Variants in CATSPERT observed in about 807,000 individuals in gnomAD.
The protein encoded by CATSPERT is cation channel sperm-associated targeting subunit tau.
the CATSPERT span, among the ~76,000 whole-genome samples, chr2:201,531,256 G>A: frequency 1.3e-5 from 2 of 151,952 alleles, no homozygotes; most frequent in Non-Finnish European, 2.9e-5. Flanking sequence ...ACCGCGCCTG[G>A]CCGACCCTGC....
chr2:201,511,662 T>C, the CATSPERT span: 2 of 152,034 alleles, frequency 1.3e-5, no homozygotes, highest in South Asian at 4.2e-4. Context: ...AATTAAGCTA[T>C]ATCTTGAAAG....
At chr2:201,564,825 A>C in the CATSPERT span, among the ~76,000 whole-genome samples, 1 of 152,240 alleles carries the variant, frequency 6.6e-6, no homozygotes, top group Non-Finnish European at 1.5e-5. Flanking sequence ...TCTATTGTTC[A>C]AACCATTCAA....
chr2:201,502,386 A>T, the CATSPERT span, among the ~76,000 whole-genome samples: 1 of 152,092 alleles, frequency 6.6e-6, no homozygotes, highest in Non-Finnish European at 1.5e-5. Flanking sequence ...AGCCTGACCA[A>T]CATGATGAAA....
At chr2:201,569,254 T>C in the CATSPERT span, among the ~76,000 whole-genome samples, 1 of 152,242 alleles carries the variant, frequency 6.6e-6, no homozygotes, top group African/African-American at 2.4e-5. Flanking sequence ...TGGGAATTGA[T>C]TGAGAGGCCA....
the CATSPERT span, among the ~76,000 whole-genome samples, chr2:201,584,046 T>C: frequency 1.9e-4 from 29 of 152,344 alleles, no homozygotes; most frequent in African/African-American, 7.0e-4. Context: ...CCCAGCACTT[T>C]GGGAGGCCAA....
chr2:201,545,877 G>A, the CATSPERT span, among the ~76,000 whole-genome samples: 1 of 152,050 alleles, frequency 6.6e-6, no homozygotes, highest in East Asian at 1.9e-4. Flanking sequence ...AATGGATAGA[G>A]TATTTGAGTG....
chr2:201,614,475 G>A, the CATSPERT span, among the ~76,000 whole-genome samples: 1 of 152,146 alleles, frequency 6.6e-6, no homozygotes, highest in East Asian at 1.9e-4. Context: ...CATAAGTGAA[G>A]GAGAAATAAA....
chr2:201,617,700 C>T, the CATSPERT span, among the ~76,000 whole-genome samples: 14 of 151,994 alleles, frequency 9.2e-5, no homozygotes, highest in East Asian at 3.9e-4. Flanking sequence ...AAGCCAAAAT[C>T]GACAAATGGG....
At chr2:201,559,335 G>A in the CATSPERT span, among the ~76,000 whole-genome samples, 1 of 152,190 alleles carries the variant, frequency 6.6e-6, no homozygotes, top group Non-Finnish European at 1.5e-5. Flanking sequence ...CTGCATCCCA[G>A]ACCTGTGAAA....
At chr2:201,493,003 A>G in the CATSPERT span, 1 of 1,536,518 alleles carries the variant, frequency 6.5e-7, no homozygotes, top group African/African-American at 1.4e-5. Flanking sequence ...ATCCTCTTGG[A>G]GTTCTTCAAG....
chr2:201,491,267 C>A, the CATSPERT span: 4 of 1,537,854 alleles, frequency 2.6e-6, no homozygotes, highest in Middle Eastern at 1.7e-4. Flanking sequence ...AGTATCCTGA[C>A]TATCTTGTTA....
the CATSPERT span, among the ~76,000 whole-genome samples, chr2:201,546,347 G>A: frequency 6.6e-6 from 1 of 152,008 alleles, no homozygotes; most frequent in African/African-American, 2.4e-5. Flanking sequence ...ACATGTATAG[G>A]TTAGAGTATA....
the CATSPERT span, among the ~76,000 whole-genome samples, chr2:201,515,212 T>TAG: frequency 9.1e-4 from 22 of 24,062 alleles, 4 homozygotes; most frequent in Admixed American, 2.0e-3. Context: ...GTTTTTTTTT[T>TAG]TTTTTTTTTT....
chr2:201,517,733 T>C, the CATSPERT span, among the ~76,000 whole-genome samples: 3 of 152,222 alleles, frequency 2.0e-5, no homozygotes, highest in Non-Finnish European at 4.4e-5. Context: ...TGTTCTTGAA[T>C]CTACCATTTC....
the CATSPERT span, chr2:201,601,651 A>T: frequency 7.9e-6 from 10 of 1,271,336 alleles, no homozygotes; most frequent in African/African-American, 1.5e-5. Context: ...TTTCTTTTCT[A>T]CTCATTTTTA....
the CATSPERT span, among the ~76,000 whole-genome samples, chr2:201,581,181 A>G: frequency 6.6e-6 from 1 of 151,482 alleles, no homozygotes; most frequent in Non-Finnish European, 1.5e-5. Flanking sequence ...TGAGGCGGGC[A>G]GATTATTTGA....
chr2:201,560,709 C>T, the CATSPERT span, among the ~76,000 whole-genome samples: 2 of 151,962 alleles, frequency 1.3e-5, no homozygotes, highest in Non-Finnish European at 2.9e-5. Flanking sequence ...TTCAAACAAC[C>T]TGAACAAACT....
chr2:201,571,013 C>A, the CATSPERT span, among the ~76,000 whole-genome samples: 1 of 152,112 alleles, frequency 6.6e-6, no homozygotes, highest in Non-Finnish European at 1.5e-5. Flanking sequence ...ATTCCATTGG[C>A]ATCATCATAG....
At chr2:201,534,420 G>C in the CATSPERT span, 1 of 984,504 alleles carries the variant, frequency 1.0e-6, no homozygotes, top group Non-Finnish European at 1.2e-6. Context: ...TGAATATTTT[G>C]GAAGTCAGAC....
Sources: allele counts gnomAD v4.1 joint callset (sites outside exome capture counted in the v4.1 genomes callset), GRCh38; gene constraint gnomAD v4.1.1; transcripts MANE v1.5; gene names NCBI Gene and HGNC (gene_info 2026-07-23, HGNC 2026-07-21).